The following LRP1B variants were observed in gnomAD, a reference collection of about 807,000 sequenced individuals.
The protein encoded by LRP1B is low-density lipoprotein receptor-related protein 1B.
LRP1B carries 217 observed loss-of-function variants against 556.6 expected under a neutral mutation model. The observed-to-expected ratio is 0.39, with a 90% CI of 0.35 to 0.44. LRP1B has a LOEUF of 0.44. Among genes scored for constraint, LRP1B ranks in the 20% least tolerant of loss-of-function variants. The pLI is 1.00. For synonymous variants in LRP1B, 2,047 were observed against 1,865.8 expected, an observed-to-expected ratio of 1.10 and a Z score of -2.50; for missense variants, 5,053 against 5,620.8, an observed-to-expected ratio of 0.90 and a Z score of 3.23.
intron 31 of LRP1B, among the ~76,000 whole-genome samples, chr2:140,829,538 T>A (rs183994518): frequency 6.6e-6 from 1 of 152,066 alleles, no homozygotes; most frequent in African/African-American, 2.4e-5. Context: ...AATCAATGGG[T>A]CAATGAAGAA....
intron 1 of LRP1B, among the ~76,000 whole-genome samples, chr2:141,991,939 C>T (rs1313698247): frequency 6.6e-6 from 1 of 152,056 alleles, no homozygotes; most frequent in South Asian, 2.1e-4. Context: ...TCATCAATAT[C>T]CCTGGTATTC....
intron 20 of LRP1B, among the ~76,000 whole-genome samples, chr2:140,942,940 C>G (rs1263066965): frequency 1.3e-5 from 2 of 151,984 alleles, no homozygotes; most frequent in Non-Finnish European, 2.9e-5. Flanking sequence ...TCAATATTAA[C>G]CTTGAATGTA....
intron 32 of LRP1B, among the ~76,000 whole-genome samples, chr2:140,802,307 A>G (rs1047228720): frequency 1.6e-4 from 25 of 152,310 alleles, no homozygotes; most frequent in African/African-American, 6.0e-4. Context: ...AGCACTGAAA[A>G]TAAAAATTGT....
intron 1 of LRP1B, among the ~76,000 whole-genome samples, chr2:141,902,952 T>C (rs1391135238): frequency 2.0e-5 from 3 of 151,984 alleles, no homozygotes; most frequent in Admixed American, 6.6e-5. Context: ...GGCTAACTTT[T>C]AGCCAGTTTT....
Position 141,291,843 on chromosome 2 carries a change from G to A in LRP1B, c.344-37202C>T, listed in dbSNP as rs1352877068. Reference sequence around the variant, plus strand: ...TGCACTCCAGCCTGGGCGAAAGAGCGAGACTCTGTCTCAAAAAAAAAAAAA... The same window carrying A: ...TGCACTCCAGCCTGGGCGAAAGAGCAAGACTCTGTCTCAAAAAAAAAAAAA... On this transcript the variant is annotated intron_variant, in intron 3 of 90. Transcript: ENST00000389484. Among the ~76,000 whole-genome samples the A allele has an allele frequency of 2.2e-4, 25 of 112,340 alleles. 1 individual carries two copies. The highest frequency in any genetic ancestry group is 8.9e-4 in the African/African-American group (24 of 26,896). 73.7% of individuals were successfully genotyped at this position (112,340 alleles called of 152,430 possible).
rs555039552 is a variant in LRP1B, at chr2:141,421,459, G to A, written c.343+58937C>T. Among the ~76,000 whole-genome samples the A allele has an allele frequency of 2.0e-5, 3 of 150,062 alleles. No individual in the cohort carries two copies. In the East Asian group the frequency reaches 5.9e-4, roughly 30 times the overall value. ...CAGGAGAATGGCGTGAACCCGGGAG[G>A]CGGAGCTTGCAGTGAGCCGAGATCC... On this transcript the variant is annotated intron_variant, in intron 3 of 90. Coordinates refer to ENST00000389484, the MANE Select transcript of LRP1B (RefSeq NM_018557.3).
intron 1 of LRP1B, among the ~76,000 whole-genome samples, chr2:141,854,812 A>T (rs1200021964): frequency 6.6e-6 from 1 of 152,078 alleles, no homozygotes. Context: ...AGAAGTTAGC[A>T]TAGAAAACAT....
chr2:142,104,873 C>T (rs149026200), intron 1 of LRP1B, among the ~76,000 whole-genome samples: 1 of 152,176 alleles, frequency 6.6e-6, no homozygotes, highest in East Asian at 1.9e-4. Flanking sequence ...GCTCTCCAAT[C>T]AATTTTCTTC....
In LRP1B at chr2:140,239,388, C is replaced by A. The variant is rs186848555; in HGVS notation, c.13415+54G>T. ...ATTAACAACAAACATTATGTTTCTG[C>A]ACCTAGTTGTGTGATTTATTCACTG... is the stretch of plus-strand genomic sequence containing the variant. On this transcript the variant is annotated intron_variant, in intron 88 of 90. Transcript: ENST00000389484. 5.1e-5 allele frequency: 55 copies of A among 1,084,234 alleles called. No individual in the cohort carries two copies. The East Asian group carries it at 1.4e-3, about 27-fold the overall frequency. The allele number at this position is 1,084,234 out of a possible 1,614,324, so 67.2% of individuals were successfully genotyped here.
intron 1 of LRP1B, among the ~76,000 whole-genome samples, chr2:142,058,012 T>C (rs1184733808): frequency 1.3e-5 from 2 of 152,172 alleles, no homozygotes; most frequent in Non-Finnish European, 2.9e-5. Flanking sequence ...AAAGGATGTT[T>C]GCTCTATCGA....
At chr2:140,816,939 A>C (rs1412893429) in intron 31 of LRP1B, among the ~76,000 whole-genome samples, 1 of 152,160 alleles carries the variant, frequency 6.6e-6, no homozygotes, top group Non-Finnish European at 1.5e-5. Flanking sequence ...ATGCTGGAAT[A>C]ATTTCTGAAT....
Position 140,840,106 on chromosome 2 carries a change from G to T in LRP1B, c.5115-21C>A, listed in dbSNP as rs1260085124. 14 of 1,439,812 alleles carry T rather than the reference G, an allele frequency of 9.7e-6. No individual in the cohort carries two copies. In the East Asian group the frequency reaches 3.0e-4, roughly 31 times the overall value. 89.2% of individuals were successfully genotyped at this position (1,439,812 alleles called of 1,614,324 possible). A position where few individuals can be genotyped will look rare whatever the true frequency, so the allele number is the denominator to read the frequency against. On this transcript the variant is annotated intron_variant, in intron 30 of 90. Coordinates refer to ENST00000389484, the MANE Select transcript of LRP1B (RefSeq NM_018557.3). ...GTTTTCTTAATTCAAAAGACATATGGATTGAAAATATTAGATGTAGACCTA... is the reference window on the plus strand; with the variant it reads ...GTTTTCTTAATTCAAAAGACATATGTATTGAAAATATTAGATGTAGACCTA...
chr2:141,342,295 A>G (rs1200120149), intron 3 of LRP1B, among the ~76,000 whole-genome samples: 7 of 150,016 alleles, frequency 4.7e-5, no homozygotes, highest in Admixed American at 4.6e-4. Flanking sequence ...ATAAATAAAT[A>G]AATAAAAGGT....
chr2:140,971,942 G>A (rs1356295458), intron 18 of LRP1B, among the ~76,000 whole-genome samples: 1 of 152,164 alleles, frequency 6.6e-6, no homozygotes, highest in Non-Finnish European at 1.5e-5. Flanking sequence ...TAGGAGCCTT[G>A]GAATCTTTAT....
rs3832053 is a variant in LRP1B at position 142,130,785 on chromosome 2, C to CCGGCGG, written c.-62_-57dup. 7.5e-5 allele frequency: 109 copies of CCGGCGG among 1,458,666 alleles called. 1 individual carries two copies. The highest frequency in any genetic ancestry group is 5.5e-4 in the South Asian group (45 of 82,388). The allele number at this position is 1,458,666 out of a possible 1,614,324, so 90.4% of individuals were successfully genotyped here. A position where few individuals can be genotyped will look rare whatever the true frequency, so the allele number is the denominator to read the frequency against. ...GAGACTGCTCGGCGGCACCTTCGGC[C>CCGGCGG]CGGCGGCGGCGGCGGCGGCAGGGGC... On this transcript the variant is annotated 5_prime_UTR_variant, in exon 1 of 91. Coordinates refer to ENST00000389484, the MANE Select transcript of LRP1B (RefSeq NM_018557.3).
intron 18 of LRP1B, among the ~76,000 whole-genome samples, chr2:140,977,000 A>T (rs1184999762): frequency 6.6e-6 from 1 of 152,250 alleles, no homozygotes; most frequent in African/African-American, 2.4e-5. Flanking sequence ...ATCATACTTG[A>T]CTATAAATTG....
intron 32 of LRP1B, among the ~76,000 whole-genome samples, chr2:140,800,424 T>C (rs1690468550): frequency 6.6e-6 from 1 of 152,176 alleles, no homozygotes; most frequent in Admixed American, 6.6e-5. Context: ...TGCTGCACTA[T>C]TTATTAACTA....
At chr2:142,032,010 C>G (rs977911543) in intron 1 of LRP1B, among the ~76,000 whole-genome samples, 15 of 151,876 alleles carry the variant, frequency 9.9e-5, no homozygotes, top group Non-Finnish European at 2.9e-5. Context: ...ACATATCCTT[C>G]CCTAGCCCCT....
At chr2:141,616,341 A>G (rs142264910) in intron 2 of LRP1B, among the ~76,000 whole-genome samples, 121 of 152,186 alleles carry the variant, frequency 8.0e-4, no homozygotes, top group African/African-American at 2.8e-3. Context: ...CTTTATATGA[A>G]CAATTCAATA....
Sources: gnomAD v4.1 joint callset for allele counts (sites outside exome capture counted in the v4.1 genomes callset) on GRCh38, gnomAD v4.1.1 for gene constraint, MANE v1.5 for transcripts, NCBI Gene and HGNC (gene_info 2026-07-23, HGNC 2026-07-21) for gene names.